The following PRUNE2 variants were observed in gnomAD, a reference collection of about 807,000 sequenced individuals.
PRUNE2 encodes protein prune homolog 2.
A neutral mutation model predicts 252.0 loss-of-function variants in PRUNE2; 164 were observed. That is an observed-to-expected ratio of 0.65 (90% CI 0.57 to 0.74). The LOEUF (loss-of-function observed/expected upper bound fraction) is 0.74. PRUNE2 is among the 30% of genes least tolerant of loss of function. The pLI is 0.00. For synonymous variants in PRUNE2, 1,292 were observed against 1,350.2 expected, an observed-to-expected ratio of 0.96 and a Z score of 0.94; for missense variants, 3,495 against 3,711.0, an observed-to-expected ratio of 0.94 and a Z score of 1.51.
chr9:76,643,672 G>C (rs568029481), intron 12 of PRUNE2, among the ~76,000 whole-genome samples: 12 of 152,332 alleles, frequency 7.9e-5, no homozygotes, highest in Middle Eastern at 3.4e-3. Flanking sequence ...ACAAAGAAAG[G>C]CCATGGCCAG....
At chr9:76,695,746 T>C (rs1398463444) in intron 9 of PRUNE2, among the ~76,000 whole-genome samples, 2 of 152,162 alleles carry the variant, frequency 1.3e-5, no homozygotes, top group African/African-American at 4.8e-5. Context: ...GGCCTATTTA[T>C]GGGGTGTCTA....
At chr9:76,669,356 G>C (rs2040855767) in intron 9 of PRUNE2, among the ~76,000 whole-genome samples, 2 of 151,652 alleles carry the variant, frequency 1.3e-5, no homozygotes, top group South Asian at 4.2e-4. Context: ...TTTCACTCTT[G>C]TCACCCAGGC....
At chr9:76,733,793 T>G (rs1188611769) in intron 6 of PRUNE2, 1 of 152,184 alleles carries the variant, frequency 6.6e-6, no homozygotes, top group Non-Finnish European at 1.5e-5. Flanking sequence ...TAATTTGCCC[T>G]AATCTTCACA....
chr9:76,636,588 C>T, intron 14 of PRUNE2, 31 bp from the exon 15 acceptor site: 1 of 1,120,482 alleles, frequency 8.9e-7, no homozygotes, highest in South Asian at 1.4e-5. Context: ...AAATACATTA[C>T]TCTTAACCCA....
intron 1 of PRUNE2, among the ~76,000 whole-genome samples, chr9:76,887,615 A>G (rs1253927443): frequency 6.6e-6 from 1 of 152,224 alleles, no homozygotes. Context: ...ATGAAGAGAA[A>G]GTGGAAGTGG....
chr9:76,826,559 G>A (rs756182530), intron 5 of PRUNE2, 21 bp downstream of exon 5: 50 of 1,544,518 alleles, frequency 3.2e-5, no homozygotes, highest in Non-Finnish European at 4.0e-5. Context: ...GGACAAGAGA[G>A]CTGGGGACAG....
chr9:76,718,247 G>A (rs1199831536), intron 6 of PRUNE2, among the ~76,000 whole-genome samples: 1 of 152,164 alleles, frequency 6.6e-6, no homozygotes, highest in African/African-American at 2.4e-5. Context: ...GGTAGCTTCA[G>A]TGCATCGTGT....
rs2046577514 is a variant in PRUNE2 at position 76,709,765 on chromosome 9, C to T, written c.2509G>A (p.Ala837Thr). The change falls in exon 8 of 19, where the codon GCA (alanine) becomes ACA (threonine). Residue 837 changes from alanine (A) to threonine (T), a missense_variant. Ala to Thr is a moderately conservative substitution (Grantham distance 58). Coordinates refer to ENST00000376718, the MANE Select transcript of PRUNE2 (RefSeq NM_015225.3). ...SVRDPNEWAM[A>T]KSGFAFSSSE... ...GAAGAAAAGGCAAACCCACTTTTTGCCATGGCCCACTCATTCGGGTCCCTA... is the reference window on the plus strand; with the variant it reads ...GAAGAAAAGGCAAACCCACTTTTTGTCATGGCCCACTCATTCGGGTCCCTA... 6.2e-7 allele frequency: 1 copy of T among 1,613,874 alleles called. No homozygotes were observed. Among genetic ancestry groups the T allele is most frequent in the Non-Finnish European group, 8.5e-7 (1 of 1,179,846 alleles).
At chr9:76,734,912 C>T (rs572731148) in intron 6 of PRUNE2, among the ~76,000 whole-genome samples, 4 of 152,278 alleles carry the variant, frequency 2.6e-5, no homozygotes, top group Admixed American at 2.6e-4. Flanking sequence ...GAGTCTAGAG[C>T]TGCCCAGAGC....
At chr9:76,900,918 G>A (rs959047950) in intron 1 of PRUNE2, among the ~76,000 whole-genome samples, 3 of 152,076 alleles carry the variant, frequency 2.0e-5, no homozygotes, top group African/African-American at 7.2e-5. Flanking sequence ...GTTAATATCT[G>A]CCCAAATAAA....
At chr9:76,866,876 G>A (rs1259037973) in intron 1 of PRUNE2, among the ~76,000 whole-genome samples, 1 of 151,982 alleles carries the variant, frequency 6.6e-6, no homozygotes, top group Non-Finnish European at 1.5e-5. Flanking sequence ...CAGAAGGGAG[G>A]GAGGAGGGAG....
intron 6 of PRUNE2, among the ~76,000 whole-genome samples, chr9:76,715,060 T>C (rs1276737460): frequency 6.6e-6 from 1 of 152,232 alleles, no homozygotes; most frequent in Non-Finnish European, 1.5e-5. Context: ...ATCAGAATTA[T>C]GCCTGTCATG....
chr9:76,840,152 A>T (rs2059301379), intron 4 of PRUNE2, among the ~76,000 whole-genome samples: 2 of 149,842 alleles, frequency 1.3e-5, no homozygotes, highest in South Asian at 2.1e-4. Flanking sequence ...TCACTTAAAG[A>T]TAGCAAAAAA....
intron 6 of PRUNE2, among the ~76,000 whole-genome samples, chr9:76,733,925 GT>G (rs930737635): frequency 0.011 from 1,184 of 106,734 alleles, 5 homozygotes; most frequent in African/African-American, 0.033. Flanking sequence ...AGTTTTAGTT[GT>G]TTTTTTTTTT....
In PRUNE2 at chr9:76,710,828, T is replaced by C. The variant is rs780722798; in HGVS notation, c.1446A>G (p.Ala482=). 5.2e-6 allele frequency: 8 copies of C among 1,551,442 alleles called. No homozygotes were observed. Among genetic ancestry groups the C allele is most frequent in the Middle Eastern group, 1.7e-4 (1 of 5,736 alleles). ...IPEGAVAEEH[A]WSGEHGEHFD... ...AGTGCTCACCGTGTTCTCCAGACCATGCATGTTCCTCCGCCACCGCCCCTT... is the reference window on the plus strand; with the variant it reads ...AGTGCTCACCGTGTTCTCCAGACCACGCATGTTCCTCCGCCACCGCCCCTT... Residue 482 remains alanine (A), a synonymous_variant, in exon 8 of 19, where the codon GCA becomes GCG. Transcript: ENST00000376718.
At chr9:76,870,373 G>T (rs1589688303) in intron 1 of PRUNE2, among the ~76,000 whole-genome samples, 1 of 151,370 alleles carries the variant, frequency 6.6e-6, no homozygotes, top group East Asian at 1.9e-4. Context: ...GAGTGGAAAG[G>T]AGAGAGAACA....
At chr9:76,883,544 A>G (rs1185732542) in intron 1 of PRUNE2, among the ~76,000 whole-genome samples, 6 of 152,314 alleles carry the variant, frequency 3.9e-5, no homozygotes, top group African/African-American at 1.2e-4. Context: ...AGGAAGCACA[A>G]AATTCTCCAA....
chr9:76,698,545 G>A (rs550091270), intron 9 of PRUNE2, among the ~76,000 whole-genome samples: 20 of 152,214 alleles, frequency 1.3e-4, no homozygotes, highest in Non-Finnish European at 2.5e-4. Context: ...TCTGAGAAAC[G>A]GCAAATGTTC....
At chr9:76,636,658 T>C (rs1840192404) in intron 14 of PRUNE2, 101 bp from the exon 15 acceptor site, 1 of 691,044 alleles carries the variant, frequency 1.4e-6, no homozygotes, top group South Asian at 1.9e-5. Flanking sequence ...ATAATTTAAG[T>C]CTGGCATGGT....
Sources: allele counts gnomAD v4.1 joint callset (sites outside exome capture counted in the v4.1 genomes callset), GRCh38; gene constraint gnomAD v4.1.1; transcripts MANE v1.5; gene names NCBI Gene and HGNC (gene_info 2026-07-23, HGNC 2026-07-21).